C5: variants seen among roughly 807,000 people sequenced by gnomAD.
The protein encoded by C5 is C3 and PZP-like alpha-2-macroglobulin domain-containing protein 4.
In C5, 140 loss-of-function variants were observed where a neutral mutation model predicts 218.8. That is an observed-to-expected ratio of 0.64 (90% CI 0.56 to 0.74). The LOEUF (loss-of-function observed/expected upper bound fraction) is 0.74, where lower values mean the gene tolerates loss of function less well. C5 is among the 30% of genes least tolerant of loss of function. C5 has a pLI of 0.00. For synonymous variants in C5, 614 were observed against 682.3 expected (o/e 0.90, Z 1.56); for missense variants, 1,700 against 1,969.6 (o/e 0.86, Z 2.59).
intron 32 of C5, 136 bp downstream of exon 32, chr9:120,970,034 T>C (rs763333103): frequency 2.5e-5 from 17 of 675,370 alleles, no homozygotes; most frequent in Admixed American, 4.6e-5. Context: ...TTTACTTGGA[T>C]GTCAACCTGC....
At chr9:121,006,605 G>A (rs945820387) in intron 19 of C5, among the ~76,000 whole-genome samples, 1 of 152,068 alleles carries the variant, frequency 6.6e-6, no homozygotes, top group African/African-American at 2.4e-5. Context: ...CACTTTGGAA[G>A]GTGGAGGTGG....
intron 14 of C5, 47 bp from the exon 15 acceptor site, chr9:121,016,430 T>G: frequency 6.2e-7 from 1 of 1,610,294 alleles, no homozygotes; most frequent in Non-Finnish European, 8.5e-7. Context: ...GTATAAATCA[T>G]TCCTCTAAAG....
chr9:121,050,545 A>G (rs192131753), upstream of C5, among the ~76,000 whole-genome samples: 464 of 152,288 alleles, frequency 3.0e-3, 2 homozygotes, highest in Non-Finnish European at 5.0e-3. Context: ...CAGTAAGCCC[A>G]TTGCTTTGGC....
At chr9:121,015,300 A>G (rs1198234373) in intron 15 of C5, 39 bp from the exon 16 acceptor site, 2 of 1,389,114 alleles carry the variant, frequency 1.4e-6, no homozygotes, top group Non-Finnish European at 2.0e-6. Context: ...AAGGATTAAA[A>G]AGGAGATAAA....
chr9:121,002,329 TATATATATATATAC>T (rs2047178688), intron 20 of C5, among the ~76,000 whole-genome samples: 5 of 118,240 alleles, frequency 4.2e-5, no homozygotes, highest in African/African-American at 1.2e-4. Context: ...TATATATATA[TATATATATATATAC>T]ACACATACCT....
In C5 at chr9:120,997,596, A is replaced by G. The variant is rs780959673; in HGVS notation, c.2741T>C (p.Leu914Pro). 2 of 1,614,094 alleles carry G rather than the reference A, an allele frequency of 1.2e-6. No homozygotes were observed. Among genetic ancestry groups the G allele is most frequent in the South Asian group, 2.2e-5 (2 of 91,072 alleles). ...GATTTCTTTTCCAAACCAAGTCTCC[A>G]GTGAAAAATTGATGTTGTGAAGGCC... Reference protein sequence around the residue: ...EIGLHNINFSLETWFGKEILV... With the variant: ...EIGLHNINFSPETWFGKEILV... The change falls in exon 21 of 41, where the codon CTG (leucine) becomes CCG (proline). Residue 914 changes from leucine (L) to proline (P), a missense_variant. Transcript: ENST00000223642.
At position 120,953,825 on chromosome 9, in the gene C5, T is replaced by C. The variant is rs41258306; in HGVS notation, c.4806A>G (p.Lys1602=). 102,715 of 1,613,206 alleles carry C rather than the reference T, an allele frequency of 0.064. 3,668 individuals are homozygous for C. Among genetic ancestry groups the C allele is most frequent in the Non-Finnish European group, 0.069 (80,876 of 1,179,136 alleles). ...GCTCAGCGTTAGTACAGGTTACCTTTTTAATGAAGGTAATCTCAGAGTCTT... is the reference window on the plus strand; with the variant it reads ...GCTCAGCGTTAGTACAGGTTACCTTCTTAATGAAGGTAATCTCAGAGTCTT... ...AEKDSEITFI[K]KVTCTNAELV... is the part of the protein sequence containing the mutation. The change falls in exon 40 of 41, where the codon AAA becomes AAG. Residue 1602 remains lysine, a synonymous_variant. Coordinates refer to ENST00000223642, the MANE Select transcript of C5 (RefSeq NM_001735.3).
At chr9:121,018,733 G>GAAAGAAAGA (rs2047334912) in intron 12 of C5, among the ~76,000 whole-genome samples, 2 of 79,722 alleles carry the variant, frequency 2.5e-5, no homozygotes, top group Non-Finnish European at 5.7e-5. Context: ...AAGAAGGAAG[G>GAAAGAAAGA]AAGGAAGGAA....
chr9:120,994,540 G>A (rs1239556322), intron 22 of C5, among the ~76,000 whole-genome samples: 8 of 151,840 alleles, frequency 5.3e-5, no homozygotes, highest in Admixed American at 3.9e-4. Context: ...CTGACATGGC[G>A]CCACTGCACT....
chr9:120,962,387 T>C (rs528626535), intron 36 of C5, among the ~76,000 whole-genome samples: 1 of 152,318 alleles, frequency 6.6e-6, no homozygotes, highest in East Asian at 1.9e-4. Context: ...ACACCATAGA[T>C]AAACCTGAGG....
In C5 at chr9:120,960,303, C is replaced by A. The variant is rs751750123; in HGVS notation, c.4623G>T (p.Leu1541=). 2 of 1,613,548 alleles carry A rather than the reference C, an allele frequency of 1.2e-6. No homozygotes were observed. Among genetic ancestry groups the A allele is most frequent in the East Asian group, 4.5e-5 (2 of 44,856 alleles). The part of the protein sequence containing the change: ...DCGQMQEELD[L]TISAETRKQT... The stretch of plus-strand genomic sequence containing the variant: ...GTTTTCTTGTCTCTGCAGAGATTGT[C>A]AGATCCAATTCTTCCTGCATTTGCC... The change falls in exon 38 of 41, where the codon CTG becomes CTT. Residue 1541 remains leucine (L), a synonymous_variant. Transcript: ENST00000223642.
chr9:120,954,400 T>C (rs1405782581), intron 39 of C5, among the ~76,000 whole-genome samples: 7 of 152,212 alleles, frequency 4.6e-5, no homozygotes, highest in South Asian at 2.1e-4. Context: ...AATTTTGGGA[T>C]TCTCAAAGAA....
chr9:120,987,536 G>A (rs1256955767), intron 25 of C5, among the ~76,000 whole-genome samples: 1 of 150,896 alleles, frequency 6.6e-6, no homozygotes, highest in Non-Finnish European at 1.5e-5. Flanking sequence ...CTCTCAGGAG[G>A]CTGAGCCAGG....
chr9:121,000,455 C>T (rs1372963995), intron 20 of C5, among the ~76,000 whole-genome samples: 1 of 151,900 alleles, frequency 6.6e-6, no homozygotes, highest in African/African-American at 2.4e-5. Context: ...CTGATGTAAA[C>T]AAAACAGAGG....
intron 1 of C5, among the ~76,000 whole-genome samples, chr9:121,047,504 GA>G (rs1054622555): frequency 6.6e-6 from 1 of 151,812 alleles, no homozygotes; most frequent in African/African-American, 2.4e-5. Context: ...TATTACATAG[GA>G]AAAAAAAGTG....
chr9:121,030,942 G>A (rs891476759), intron 6 of C5, among the ~76,000 whole-genome samples: 2 of 152,136 alleles, frequency 1.3e-5, no homozygotes, highest in Non-Finnish European at 2.9e-5. Flanking sequence ...AGTGGCTACA[G>A]ACAGTAAGAG....
rs144979717 is a variant in C5, at chr9:121,006,171, T to A, written c.2423-113A>T. The stretch of plus-strand genomic sequence containing the variant: ...ACTTCAAGGAAAAAATAATATTAGA[T>A]CATGTTTTTCTCTGAACTCTCAACT... On this transcript the variant is annotated intron_variant, in intron 19 of 40. Coordinates refer to ENST00000223642, the MANE Select transcript of C5 (RefSeq NM_001735.3). 472 of 997,192 alleles carry A rather than the reference T, an allele frequency of 4.7e-4. 1 individual carries two copies. In the African/African-American group the frequency reaches 6.7e-3, roughly 14 times the overall value. 61.8% of individuals were successfully genotyped at this position (997,192 alleles called of 1,614,324 possible).
At chr9:121,013,443 T>C (rs778500667) in intron 17 of C5, among the ~76,000 whole-genome samples, 6 of 152,208 alleles carry the variant, frequency 3.9e-5, no homozygotes, top group Non-Finnish European at 8.8e-5. Context: ...AGCTTTTATA[T>C]AAGTACACTT....
intron 20 of C5, among the ~76,000 whole-genome samples, chr9:121,001,110 T>G (rs192258321): frequency 3.9e-5 from 6 of 152,302 alleles, no homozygotes; most frequent in Admixed American, 6.5e-5. Context: ...CAATAAAGAA[T>G]TTATAGCTCT....
Sources: gnomAD v4.1 joint callset for allele counts (sites outside exome capture counted in the v4.1 genomes callset) on GRCh38, gnomAD v4.1.1 for gene constraint, MANE v1.5 for transcripts, NCBI Gene and HGNC (gene_info 2026-07-23, HGNC 2026-07-21) for gene names.